The following SH3RF1 variants were observed in gnomAD, a reference collection of about 807,000 sequenced individuals.
SH3RF1 encodes E3 ubiquitin-protein ligase SH3RF1.
A neutral mutation model predicts 74.0 loss-of-function variants in SH3RF1; 32 were observed. That is an observed-to-expected ratio of 0.43 (90% CI 0.33 to 0.58). The LOEUF (loss-of-function observed/expected upper bound fraction) is 0.58, where lower values mean the gene tolerates loss of function less well. SH3RF1 is among the 20% of genes least tolerant of loss of function. The pLI is 0.05. For synonymous variants in SH3RF1, 396 were observed against 439.6 expected, an observed-to-expected ratio of 0.90 and a Z score of 1.24; for missense variants, 954 against 1,130.9, an observed-to-expected ratio of 0.84 and a Z score of 2.24.
intron 4 of SH3RF1, among the ~76,000 whole-genome samples, chr4:169,137,583 A>AT (rs1250256725): frequency 3.3e-5 from 5 of 152,192 alleles, no homozygotes; most frequent in South Asian, 2.1e-4. Context: ...GAAAACAGTG[A>AT]TTTTTCCATC....
rs1730694964 is a variant in SH3RF1 at position 169,229,110 on chromosome 4, A to AGTTTT, written c.393+39705_393+39709dup. 3.9e-5 allele frequency among the ~76,000 whole-genome samples: 6 copies of AGTTTT among 152,126 alleles called. No individual in the cohort carries two copies. The South Asian group carries it at 1.2e-3, about 32-fold the overall frequency. On this transcript the variant is annotated intron_variant, in intron 2 of 11. Transcript: ENST00000284637. Reference sequence around the variant, plus strand: ...GATACGTAATATAATCATACTTAAGAGTTTTGTTTTGCTTTTTGTTTTCTG... The same window carrying AGTTTT: ...GATACGTAATATAATCATACTTAAGAGTTTTGTTTTGTTTTGCTTTTTGTTTTCTG...
At chr4:169,112,442 C>A (rs1733258460) in intron 10 of SH3RF1, among the ~76,000 whole-genome samples, 1 of 152,176 alleles carries the variant, frequency 6.6e-6, no homozygotes, top group Non-Finnish European at 1.5e-5. Context: ...GTTTGAACTT[C>A]ATAGTTTAAA....
chr4:169,104,746 A>G (rs1377178080), intron 11 of SH3RF1, among the ~76,000 whole-genome samples: 2 of 152,080 alleles, frequency 1.3e-5, no homozygotes, highest in African/African-American at 2.4e-5. Flanking sequence ...TACTGAAAAT[A>G]CAAAAAAATT....
At chr4:169,265,357 T>C (rs1731335545) in intron 2 of SH3RF1, among the ~76,000 whole-genome samples, 1 of 152,246 alleles carries the variant, frequency 6.6e-6, no homozygotes, top group Non-Finnish European at 1.5e-5. Context: ...ATCTATTTTT[T>C]GGATGAATAA....
chr4:169,236,052 A>C (rs986455794), intron 2 of SH3RF1, among the ~76,000 whole-genome samples: 3 of 152,254 alleles, frequency 2.0e-5, no homozygotes, highest in Non-Finnish European at 4.4e-5. Flanking sequence ...CATTTGCCTC[A>C]GGATCCTTGC....
At chr4:169,121,489 C>A (rs1375378162) in intron 7 of SH3RF1, among the ~76,000 whole-genome samples, 2 of 152,150 alleles carry the variant, frequency 1.3e-5, no homozygotes, top group Non-Finnish European at 2.9e-5. Flanking sequence ...GGGAAAAAGA[C>A]TGAATTTGAA....
At chr4:169,160,655 T>C (rs1157451303) in intron 2 of SH3RF1, among the ~76,000 whole-genome samples, 2 of 152,190 alleles carry the variant, frequency 1.3e-5, no homozygotes, top group Admixed American at 6.5e-5. Context: ...TTAAATTCTA[T>C]GAGGCTAGAA....
At chr4:169,209,554 T>C (rs565250456) in intron 2 of SH3RF1, among the ~76,000 whole-genome samples, 89 of 152,310 alleles carry the variant, frequency 5.8e-4, no homozygotes, top group South Asian at 1.0e-3. Context: ...TTGCTTGTAA[T>C]TGCAGTATTT....
Position 169,116,343 on chromosome 4 carries a change from G to A in SH3RF1, c.2065C>T (p.Leu689Phe), listed in dbSNP as rs1733331491. The A allele has an allele frequency of 6.2e-7, 1 of 1,614,066 alleles. No homozygotes were observed. Among genetic ancestry groups the A allele is most frequent in the African/African-American group, 1.3e-5 (1 of 74,922 alleles). Residue 689 changes from leucine to phenylalanine, a missense_variant, in exon 10 of 12, where the codon CTC becomes TTC. Coordinates refer to ENST00000284637, the MANE Select transcript of SH3RF1 (RefSeq NM_020870.4). ...GAAGCACTGTCAGGAGATGTGGGGAGTCCAGGGAGAACGGTCACTATCCGG... is the reference window on the plus strand; with the variant it reads ...GAAGCACTGTCAGGAGATGTGGGGAATCCAGGGAGAACGGTCACTATCCGG... ...SGRIVTVLPG[L>F]PTSPDSASSA...
intron 2 of SH3RF1, among the ~76,000 whole-genome samples, chr4:169,208,371 A>T (rs1018861513): frequency 6.6e-6 from 1 of 152,136 alleles, no homozygotes. Context: ...TCATATGCCT[A>T]AAGAAAGTCT....
intron 11 of SH3RF1, among the ~76,000 whole-genome samples, chr4:169,097,989 A>T (rs531409990): frequency 3.9e-4 from 60 of 152,356 alleles, no homozygotes; most frequent in African/African-American, 1.4e-3. Flanking sequence ...GATGTGAATA[A>T]GCCATCTTAG....
At chr4:169,224,033 G>C (rs1730613873) in intron 2 of SH3RF1, among the ~76,000 whole-genome samples, 1 of 152,216 alleles carries the variant, frequency 6.6e-6, no homozygotes, top group Admixed American at 6.5e-5. Context: ...TTGACATTTG[G>C]GGCAGAATAC....
chr4:169,239,686 A>C (rs960254753), intron 2 of SH3RF1, among the ~76,000 whole-genome samples: 3 of 152,228 alleles, frequency 2.0e-5, no homozygotes, highest in African/African-American at 7.2e-5. Context: ...GCTGCAAGGC[A>C]TACCACAAGA....
At chr4:169,217,161 C>CAAA (rs563116493) in intron 2 of SH3RF1, 5 of 70,732 alleles carry the variant, frequency 7.1e-5, no homozygotes, top group Admixed American at 1.4e-4. Flanking sequence ...GACCCTGTCT[C>CAAA]AAAAAAAAAA....
chr4:169,230,778 C>A (rs1463631986), intron 2 of SH3RF1, among the ~76,000 whole-genome samples: 3 of 150,260 alleles, frequency 2.0e-5, no homozygotes, highest in Non-Finnish European at 2.9e-5. Flanking sequence ...ATCATTTGAA[C>A]CCAGGAGGCA....
chr4:169,176,152 A>T (rs1734418204), intron 2 of SH3RF1, among the ~76,000 whole-genome samples: 1 of 152,206 alleles, frequency 6.6e-6, no homozygotes, highest in Non-Finnish European at 1.5e-5. Context: ...CAGAACTGTG[A>T]GAAATAAATC....
intron 11 of SH3RF1, among the ~76,000 whole-genome samples, chr4:169,106,591 C>T (rs1420994645): frequency 6.6e-6 from 1 of 151,350 alleles, no homozygotes; most frequent in Non-Finnish European, 1.5e-5. Context: ...TACCTGGACA[C>T]AATTCAGGCG....
intron 4 of SH3RF1, among the ~76,000 whole-genome samples, chr4:169,150,032 C>T (rs148154534): frequency 1.3e-5 from 2 of 152,342 alleles, no homozygotes; most frequent in African/African-American, 4.8e-5. Context: ...GCACCCCCAC[C>T]TTTAAGGCCA....
At position 169,116,637 on chromosome 4, in the gene SH3RF1, G is replaced by A; in HGVS notation, c.1778-7C>T. ...TCCTGGTTGTGCGCTGCAACTAGTA[G>A]ATGGGAAGAGGGAACACAGCAAAAT... On this transcript the variant is annotated splice_polypyrimidine_tract_variant and splice_region_variant and intron_variant, in intron 9 of 11. Coordinates refer to ENST00000284637, the MANE Select transcript of SH3RF1 (RefSeq NM_020870.4). 6.6e-7 allele frequency: 1 copy of A among 1,523,426 alleles called. No individual in the cohort carries two copies. The highest frequency in any genetic ancestry group is 2.2e-4 in the Middle Eastern group (1 of 4,472). The allele number at this position is 1,523,426 out of a possible 1,614,324, so 94.4% of individuals were successfully genotyped here. A position where few individuals can be genotyped will look rare whatever the true frequency, so the allele number is the denominator to read the frequency against.
Sources: gnomAD v4.1 joint callset for allele counts (sites outside exome capture counted in the v4.1 genomes callset) on GRCh38, gnomAD v4.1.1 for gene constraint, MANE v1.5 for transcripts, NCBI Gene and HGNC (gene_info 2026-07-23, HGNC 2026-07-21) for gene names.